The following VCAN variants were observed in gnomAD, a reference collection of about 807,000 sequenced individuals.
The protein encoded by VCAN is versican, also known as versican core protein.
VCAN carries 44 observed loss-of-function variants against 245.5 expected under a neutral mutation model. That is an observed-to-expected ratio of 0.18 (90% CI 0.14 to 0.23). The LOEUF (loss-of-function observed/expected upper bound fraction) is 0.23. VCAN is among the 10% of genes least tolerant of loss of function. The pLI is 1.00. For synonymous variants in VCAN, 1,413 were observed against 1,437.0 expected, an observed-to-expected ratio of 0.98 and a Z score of 0.38; for missense variants, 3,793 against 4,057.9, an observed-to-expected ratio of 0.93 and a Z score of 1.77.
intron 12 of VCAN, among the ~76,000 whole-genome samples, chr5:83,558,359 T>G (rs558442254): frequency 1.3e-5 from 2 of 152,288 alleles, no homozygotes; most frequent in African/African-American, 4.8e-5. Context: ...AACTTGACTG[T>G]GTGCAGTTTT....
intron 7 of VCAN, among the ~76,000 whole-genome samples, chr5:83,525,373 T>C (rs1453452036): frequency 6.6e-6 from 1 of 152,160 alleles, no homozygotes. Context: ...AATTTGAAGC[T>C]GTAGGAAGAG....
At position 83,512,165 on chromosome 5, in the gene VCAN, G is replaced by A. The variant is rs1745683043; in HGVS notation, c.811G>A (p.Glu271Lys). 1 of 1,614,018 alleles carries A rather than the reference G, an allele frequency of 6.2e-7. No homozygotes were observed. Among genetic ancestry groups the A allele is most frequent in the Admixed American group, 1.7e-5 (1 of 60,002 alleles). Residue 271 changes from glutamate to lysine, a missense_variant, in exon 6 of 15, where the codon GAA becomes AAA. Glu to Lys is a moderately conservative substitution (Grantham distance 56, BLOSUM62 1). This residue lies in a region of VCAN where 190 missense variants were observed against 288.6 expected (regional missense o/e 0.66). Transcript: ENST00000265077. Reference sequence around the variant, plus strand: ...CTTCGAGGAGGCTGCAAAAGAGTGTGAAAACCAGGATGCCAGGCTGGCAAC... The same window carrying A: ...CTTCGAGGAGGCTGCAAAAGAGTGTAAAAACCAGGATGCCAGGCTGGCAAC... ...FTFEEAAKECENQDARLATVG... is the reference protein window; with the variant it reads ...FTFEEAAKECKNQDARLATVG...
rs764734647 is a variant in VCAN, at chr5:83,539,241, G to T, written c.6238G>T (p.Val2080Phe). The change falls in exon 8 of 15, where the codon GTC becomes TTC. Residue 2080 changes from valine to phenylalanine, a missense_variant. By Grantham distance (50) the Val-to-Phe change is conservative. Transcript: ENST00000265077. ...KAPVEKEEVK[V>F]SGTVSTNFPQ... is the part of the protein sequence containing the mutation. ...TCCAGTAGAGAAGGAGGAAGTAAAG[G>T]TCAGTGGCACAGTTTCAACAAACTT... The T allele has an allele frequency of 1.7e-5, 28 of 1,614,024 alleles. No individual in the cohort carries two copies. The highest frequency in any genetic ancestry group is 1.5e-4 in the Admixed American group (9 of 59,962).
At chr5:83,495,853 T>C (rs939001919) in intron 5 of VCAN, among the ~76,000 whole-genome samples, 1 of 152,146 alleles carries the variant, frequency 6.6e-6, no homozygotes, top group African/African-American at 2.4e-5. Context: ...GCCAGATTCC[T>C]TGGTGGAAAG....
At position 83,542,237 on chromosome 5, in the gene VCAN, G is replaced by A. The variant is rs139453864; in HGVS notation, c.9234G>A (p.Glu3078=). 5,189 of 1,613,758 alleles carry A rather than the reference G, an allele frequency of 3.2e-3. 14 individuals are homozygous for A. Among genetic ancestry groups the A allele is most frequent in the Middle Eastern group, 6.4e-3 (39 of 6,060 alleles). The change falls in exon 8 of 15, where the codon GAG becomes GAA. Residue 3078 remains glutamate (E), a synonymous_variant. Transcript: ENST00000265077. ...ATTTCCTGATTGGCATTAATGAAGAGTCAGTGGAAGGCACGGCAATCTATT... is the reference window on the plus strand; with the variant it reads ...ATTTCCTGATTGGCATTAATGAAGAATCAGTGGAAGGCACGGCAATCTATT... ...ETDFLIGINE[E]SVEGTAIYLP...
chr5:83,539,990 CACA>C lies in VCAN; in HGVS notation c.6991_6993del (p.Thr2331del). On this transcript the variant is annotated inframe_deletion, in exon 8 of 15. Transcript: ENST00000265077. ...TTGAAGGTAGTGGGTCAGTAACCAG[CACA>C]ACATTAATAGAAATTTTAAGTGACA... 6.2e-7 allele frequency: 1 copy of C among 1,614,052 alleles called. No homozygotes were observed. The highest frequency in any genetic ancestry group is 8.5e-7 in the Non-Finnish European group (1 of 1,179,988).
intron 2 of VCAN, among the ~76,000 whole-genome samples, chr5:83,484,103 T>G (rs1744710236): frequency 6.6e-6 from 1 of 152,300 alleles, no homozygotes; most frequent in Admixed American, 6.5e-5. Context: ...GCTCTATAAT[T>G]CCAAATTTAT....
At chr5:83,484,711 G>A (rs1744736290) in intron 2 of VCAN, among the ~76,000 whole-genome samples, 2 of 152,142 alleles carry the variant, frequency 1.3e-5, no homozygotes. Flanking sequence ...TACTTCTCTA[G>A]TTATGGGAGA....
At chr5:83,486,950 G>A (rs952541667) in intron 2 of VCAN, among the ~76,000 whole-genome samples, 19 of 152,062 alleles carry the variant, frequency 1.2e-4, no homozygotes, top group African/African-American at 4.6e-4. Flanking sequence ...GTTTTTTTCT[G>A]TTTATTCCCA....
At chr5:83,496,286 C>T (rs916271210) in intron 5 of VCAN, among the ~76,000 whole-genome samples, 1 of 152,214 alleles carries the variant, frequency 6.6e-6, no homozygotes, top group African/African-American at 2.4e-5. Context: ...CTTCCATAAA[C>T]ACAATCACTT....
At chr5:83,565,389 G>A (rs975950521) in intron 12 of VCAN, among the ~76,000 whole-genome samples, 120 of 85,656 alleles carry the variant, frequency 1.4e-3, no homozygotes, top group Admixed American at 3.1e-3. Context: ...GTATGTGTAA[G>A]GGTGTGTGTG....
At chr5:83,529,894 C>T (rs1379668463) in intron 7 of VCAN, among the ~76,000 whole-genome samples, 1 of 152,126 alleles carries the variant, frequency 6.6e-6, no homozygotes, top group Non-Finnish European at 1.5e-5. Flanking sequence ...TCATTTCCAA[C>T]TTCTAAGTAC....
Position 83,521,910 on chromosome 5 carries a change from A to T in VCAN, c.3604A>T (p.Thr1202Ser), listed in dbSNP as rs757255590. The T allele has an allele frequency of 1.2e-6, 2 of 1,614,204 alleles. No homozygotes were observed. The highest frequency in any genetic ancestry group is 1.7e-6 in the Non-Finnish European group (2 of 1,180,032). Residue 1202 changes from threonine to serine, a missense_variant, in exon 7 of 15, where the codon ACA becomes TCA. Physicochemically the swap from Thr to Ser is moderately conservative, Grantham distance 58. Coordinates refer to ENST00000265077, the MANE Select transcript of VCAN (RefSeq NM_004385.5). ...ELIEFSTIKV[T>S]VPSDITTAFS... ...CATAGAATTTTCAACAATCAAAGTC[A>T]CAGTTCCAAGTGATATTACCACTGC...
At chr5:83,529,630 C>G (rs1289894679) in intron 7 of VCAN, among the ~76,000 whole-genome samples, 2 of 152,074 alleles carry the variant, frequency 1.3e-5, no homozygotes, top group Non-Finnish European at 2.9e-5. Flanking sequence ...TATTTACAGT[C>G]TGTTTGGTCT....
At chr5:83,568,740 T>G (rs1748175463) in intron 12 of VCAN, among the ~76,000 whole-genome samples, 1 of 152,190 alleles carries the variant, frequency 6.6e-6, no homozygotes, top group Non-Finnish European at 1.5e-5. Context: ...AAAGTTCATT[T>G]TTAGCAATTA....
intron 6 of VCAN, among the ~76,000 whole-genome samples, chr5:83,516,195 A>G (rs1387816991): frequency 2.0e-5 from 3 of 152,126 alleles, no homozygotes; most frequent in Non-Finnish European, 4.4e-5. Context: ...GAGGCAGGAG[A>G]ATGGCGTGAA....
intron 5 of VCAN, among the ~76,000 whole-genome samples, chr5:83,499,163 T>G (rs1745255896): frequency 6.6e-6 from 1 of 152,136 alleles, no homozygotes; most frequent in African/African-American, 2.4e-5. Flanking sequence ...CTATTGCAGC[T>G]CACACTGAAA....
intron 8 of VCAN, among the ~76,000 whole-genome samples, chr5:83,544,293 G>T (rs546127378): frequency 6.6e-6 from 1 of 152,212 alleles, no homozygotes; most frequent in Non-Finnish European, 1.5e-5. Flanking sequence ...AGAAGTTGAT[G>T]TACTCATCTG....
In VCAN at chr5:83,520,266, G is replaced by C. The variant is rs202008807; in HGVS notation, c.1960G>C (p.Glu654Gln). 1.2e-6 allele frequency: 2 copies of C among 1,613,966 alleles called. No homozygotes were observed. Among genetic ancestry groups the C allele is most frequent in the East Asian group, 4.5e-5 (2 of 44,866 alleles). ...PFPSQHRTEIELFPYSGDKIL... is the reference protein window; with the variant it reads ...PFPSQHRTEIQLFPYSGDKIL... ...TCCATCACAGCATCGTACAGAAATA[G>C]AATTGTTTCCTTATTCTGGTGATAA... Residue 654 changes from glutamate to glutamine, a missense_variant, in exon 7 of 15, where the codon GAA (glutamate) becomes CAA (glutamine). By Grantham distance (29) the Glu-to-Gln change is conservative. This residue lies in a region of VCAN where 3,182 missense variants were observed against 3,250.3 expected (regional missense o/e 0.98). Transcript: ENST00000265077.
Sources: allele counts gnomAD v4.1 joint callset (sites outside exome capture counted in the v4.1 genomes callset), GRCh38; gene constraint gnomAD v4.1.1; regional missense constraint gnomAD v4.1.1; transcripts MANE v1.5; gene names NCBI Gene and HGNC (gene_info 2026-07-23, HGNC 2026-07-21).